TMEM132D: variants seen among roughly 807,000 people sequenced by gnomAD.
TMEM132D encodes the protein mature OL transmembrane protein.
In TMEM132D, 21 loss-of-function variants were observed where a neutral mutation model predicts 62.3. That is an observed-to-expected ratio of 0.34 (90% CI 0.24 to 0.49). The LOEUF is 0.49. Ranked by LOEUF, TMEM132D falls within the 20% of genes least tolerant of loss-of-function variation. The pLI, the probability that TMEM132D is intolerant of heterozygous loss-of-function variation, is 0.99. For synonymous variants in TMEM132D, 621 were observed against 575.6 expected (o/e 1.08, Z -1.13); for missense variants, 1,346 against 1,402.8 (o/e 0.96, Z 0.65).
chr12:129,176,874 G>C (rs1276920650), intron 5 of TMEM132D, among the ~76,000 whole-genome samples: 1 of 152,256 alleles, frequency 6.6e-6, no homozygotes, highest in Non-Finnish European at 1.5e-5. Context: ...TAAAGTGCCA[G>C]GCACGGAGGT....
chr12:129,230,927 A>T (rs1359725757), intron 4 of TMEM132D, among the ~76,000 whole-genome samples: 1 of 152,216 alleles, frequency 6.6e-6, no homozygotes, highest in Non-Finnish European at 1.5e-5. Flanking sequence ...ATGTACTGCA[A>T]ACCTGCCAGC....
intron 3 of TMEM132D, among the ~76,000 whole-genome samples, chr12:129,405,303 A>G (rs575349426): frequency 1.9e-3 from 284 of 152,156 alleles, no homozygotes; most frequent in African/African-American, 6.7e-3. Context: ...CTCTCCTTAT[A>G]AGGGTGCTAA....
chr12:129,463,438 CTATTTATTTATTTATT>C (rs34072279), intron 3 of TMEM132D, among the ~76,000 whole-genome samples: 2 of 146,094 alleles, frequency 1.4e-5, no homozygotes, highest in South Asian at 2.2e-4. Flanking sequence ...GATCCCTGTC[CTATTTATTTATTTATT>C]TATTTATTTA....
rs184165859 is a variant in TMEM132D at position 129,692,008 on chromosome 12, T to G, written c.968+7802A>C. Among the ~76,000 whole-genome samples the G allele has an allele frequency of 4.1e-3, 624 of 152,030 alleles. 7 individuals are homozygous for G. Among genetic ancestry groups the G allele is most frequent in the African/African-American group, 0.014 (598 of 41,470 alleles). On this transcript the variant is annotated intron_variant, in intron 2 of 8. Transcript: ENST00000422113. ...CACCAGGCTCGGATGGATTCACCAG[T>G]GAAAATTTACGAACATTTAAGATAT...
intron 1 of TMEM132D, among the ~76,000 whole-genome samples, chr12:129,715,507 T>C (rs1380549068): frequency 1.3e-5 from 2 of 152,186 alleles, no homozygotes; most frequent in African/African-American, 2.4e-5. Context: ...TAAGACTCTG[T>C]AGATAACCGA....
At chr12:129,460,184 C>T (rs563413985) in intron 3 of TMEM132D, among the ~76,000 whole-genome samples, 1 of 152,180 alleles carries the variant, frequency 6.6e-6, no homozygotes, top group African/African-American at 2.4e-5. Context: ...CCAGTGACCC[C>T]AAATGTTAAC....
At chr12:129,630,027 G>T (rs1230357099) in intron 2 of TMEM132D, among the ~76,000 whole-genome samples, 1 of 152,192 alleles carries the variant, frequency 6.6e-6, no homozygotes, top group Non-Finnish European at 1.5e-5. Flanking sequence ...TGGATGGCTG[G>T]TTCCATTGTT....
chr12:129,660,004 A>G (rs1451081896), intron 2 of TMEM132D, among the ~76,000 whole-genome samples: 1 of 152,210 alleles, frequency 6.6e-6, no homozygotes, highest in Non-Finnish European at 1.5e-5. Flanking sequence ...TGAGTTATTC[A>G]GTGAAATTAT....
At chr12:129,592,644 A>T (rs1681688) in intron 2 of TMEM132D, among the ~76,000 whole-genome samples, 18 of 151,812 alleles carry the variant, frequency 1.2e-4, no homozygotes, top group African/African-American at 4.4e-4. Flanking sequence ...TTATTTGTAC[A>T]TATTCAAAAG....
At chr12:129,393,077 G>A (rs536515564) in intron 3 of TMEM132D, among the ~76,000 whole-genome samples, 1 of 152,300 alleles carries the variant, frequency 6.6e-6, no homozygotes, top group African/African-American at 2.4e-5. Flanking sequence ...TAGAGGGAAA[G>A]TTCCTGATTT....
chr12:129,271,813 A>T (rs1378247940), intron 4 of TMEM132D, among the ~76,000 whole-genome samples: 1 of 151,978 alleles, frequency 6.6e-6, no homozygotes, highest in Middle Eastern at 3.4e-3. Flanking sequence ...TCTATCATTG[A>T]TGGGCATTTA....
At chr12:129,573,694 A>G (rs1309244717) in intron 2 of TMEM132D, among the ~76,000 whole-genome samples, 1 of 152,098 alleles carries the variant, frequency 6.6e-6, no homozygotes, top group Non-Finnish European at 1.5e-5. Context: ...GAAAAAGCCC[A>G]CGTGTCCACC....
At chr12:129,743,808 C>T (rs1023572339) in intron 1 of TMEM132D, among the ~76,000 whole-genome samples, 3 of 152,160 alleles carry the variant, frequency 2.0e-5, no homozygotes, top group African/African-American at 7.2e-5. Flanking sequence ...GAGGGGACAT[C>T]ATAATGATGA....
intron 2 of TMEM132D, among the ~76,000 whole-genome samples, chr12:129,678,954 T>A (rs192677831): frequency 5.3e-5 from 8 of 152,196 alleles, no homozygotes; most frequent in African/African-American, 1.7e-4. Flanking sequence ...TTTGGGCTTT[T>A]TCTGTTCATT....
intron 1 of TMEM132D, among the ~76,000 whole-genome samples, chr12:129,872,365 T>C (rs2137378005): frequency 6.6e-6 from 1 of 152,276 alleles, no homozygotes; most frequent in African/African-American, 2.4e-5. Flanking sequence ...GAACGTGAAC[T>C]TCCCAATGGA....
intron 1 of TMEM132D, among the ~76,000 whole-genome samples, chr12:129,756,890 C>T (rs374951440): frequency 2.6e-5 from 4 of 152,294 alleles, no homozygotes; most frequent in South Asian, 2.1e-4. Context: ...TGGAAGGTTG[C>T]GCCCTGATGT....
chr12:129,824,442 C>T (rs1257490669), intron 1 of TMEM132D, among the ~76,000 whole-genome samples: 1 of 152,100 alleles, frequency 6.6e-6, no homozygotes. Context: ...TGTGCCCTCC[C>T]CCGCCCCCAG....
At chr12:129,776,135 G>A (rs926488611) in intron 1 of TMEM132D, among the ~76,000 whole-genome samples, 2 of 152,130 alleles carry the variant, frequency 1.3e-5, no homozygotes, top group South Asian at 2.1e-4. Flanking sequence ...CCCTTTTGTC[G>A]CCTAAAAGCA....
In TMEM132D at chr12:129,569,314, A is replaced by G. The variant is rs1038107783; in HGVS notation, c.969-38109T>C. Reference sequence around the variant, plus strand: ...CAACCAGTAGCTGGAATCAAATTGAAGGTAAACTTGGATATCTGGGGAGAG... The same window carrying G: ...CAACCAGTAGCTGGAATCAAATTGAGGGTAAACTTGGATATCTGGGGAGAG... On this transcript the variant is annotated intron_variant, in intron 2 of 8. Transcript: ENST00000422113. Among the ~76,000 whole-genome samples, 4 of 152,330 alleles carry G rather than the reference A, an allele frequency of 2.6e-5. No homozygotes were observed. The East Asian group carries it at 7.7e-4, about 29-fold the overall frequency.
Sources: gnomAD v4.1 joint callset for allele counts (sites outside exome capture counted in the v4.1 genomes callset) on GRCh38, gnomAD v4.1.1 for gene constraint, MANE v1.5 for transcripts, NCBI Gene and HGNC (gene_info 2026-07-23, HGNC 2026-07-21) for gene names.